Variants in LNX1 observed in about 807,000 individuals in gnomAD.
LNX1 encodes the protein E3 ubiquitin-protein ligase LNX.
In LNX1, 54 loss-of-function variants were observed where a neutral mutation model predicts 68.4. The observed-to-expected ratio is 0.79, with a 90% confidence interval of 0.63 to 0.99. LNX1 has a LOEUF of 0.99. Among genes scored for constraint, LNX1 ranks in the 50% least tolerant of loss-of-function variants. LNX1 has a pLI of 0.00. For missense variants in LNX1, 906 were observed against 926.4 expected (o/e 0.98, Z 0.29); for synonymous variants, 336 against 350.0 (o/e 0.96, Z 0.45).
chr4:53,636,695 A>C (rs1216587854), intron 1 of LNX1, among the ~76,000 whole-genome samples: 3 of 152,124 alleles, frequency 2.0e-5, no homozygotes, highest in Non-Finnish European at 4.4e-5. Flanking sequence ...ACAGCAGATA[A>C]AGCAGCCTCC....
In LNX1 at chr4:53,504,908, G is replaced by A. The variant is rs570787149; in HGVS notation, c.775+2409C>T. Among the ~76,000 whole-genome samples the A allele has an allele frequency of 3.3e-5, 5 of 152,180 alleles. No homozygotes were observed. In the East Asian group the frequency reaches 9.7e-4, roughly 29 times the overall value. On this transcript the variant is annotated intron_variant, in intron 4 of 10. Coordinates refer to ENST00000263925, the MANE Select transcript of LNX1 (RefSeq NM_001126328.3). ...ACGCTAAAACAATTACAATAGTAAC[G>A]CCAAAGATAACTGATCACATGTCAC... is the stretch of plus-strand genomic sequence containing the variant.
At chr4:53,526,512 G>A (rs1368149600) in intron 2 of LNX1, among the ~76,000 whole-genome samples, 3 of 151,962 alleles carry the variant, frequency 2.0e-5, no homozygotes, top group African/African-American at 4.8e-5. Context: ...TAAAGATAAA[G>A]TAAGAACTAA....
At chr4:53,556,641 A>T (rs1274470774) in intron 2 of LNX1, among the ~76,000 whole-genome samples, 2 of 152,226 alleles carry the variant, frequency 1.3e-5, no homozygotes, top group Non-Finnish European at 2.9e-5. Context: ...GATGCTCATG[A>T]TTCAGATTTA....
At chr4:53,602,717 T>A (rs1372986804) in intron 2 of LNX1, 2 of 152,196 alleles carry the variant, frequency 1.3e-5, no homozygotes, top group African/African-American at 4.8e-5. Flanking sequence ...TTTCAAGGAA[T>A]GAAAAACACG....
Position 53,534,111 on chromosome 4 carries a change from G to A in LNX1, c.381-25884C>T, listed in dbSNP as rs116153369. Among the ~76,000 whole-genome samples the A allele has an allele frequency of 3.9e-3, 599 of 152,286 alleles. 8 individuals carry two copies. Among genetic ancestry groups the A allele is most frequent in the African/African-American group, 0.014 (575 of 41,554 alleles). Reference sequence around the variant, plus strand: ...TTTCATAATAGGACCTATCAGAAAGGGATGGTTCTCAGGAGAAGCCTAGGG... The same window carrying A: ...TTTCATAATAGGACCTATCAGAAAGAGATGGTTCTCAGGAGAAGCCTAGGG... On this transcript the variant is annotated intron_variant, in intron 2 of 10. Coordinates refer to ENST00000263925, the MANE Select transcript of LNX1 (RefSeq NM_001126328.3).
At chr4:53,494,312 C>G (rs1284370263) in intron 6 of LNX1, among the ~76,000 whole-genome samples, 1 of 152,200 alleles carries the variant, frequency 6.6e-6, no homozygotes, top group Non-Finnish European at 1.5e-5. Flanking sequence ...GATTGTGAGG[C>G]CTCCCGAGCC....
intron 1 of LNX1, chr4:53,652,020 T>TGTGTGAGAGAGAGAGA (rs1299346353): frequency 5.6e-5 from 6 of 106,922 alleles, no homozygotes; most frequent in African/African-American, 1.2e-4. Flanking sequence ...TGTGTGTGTG[T>TGTGTGAGAGAGAGAGA]GAGAGAGAGA....
At chr4:53,493,401 C>T (rs189409748) in intron 6 of LNX1, among the ~76,000 whole-genome samples, 2 of 152,338 alleles carry the variant, frequency 1.3e-5, no homozygotes, top group Admixed American at 6.5e-5. Flanking sequence ...AGTGGCACAG[C>T]TCAAAAGCTA....
At chr4:53,464,467 TTTTAA>T (rs1017814155) in intron 9 of LNX1, among the ~76,000 whole-genome samples, 1 of 27,206 alleles carries the variant, frequency 3.7e-5, no homozygotes, top group African/African-American at 1.2e-4. Flanking sequence ...ATATAAAATG[TTTTAA>T]TATAATCAAC....
At chr4:53,471,455 C>A (rs1193639351) in intron 9 of LNX1, among the ~76,000 whole-genome samples, 4 of 152,124 alleles carry the variant, frequency 2.6e-5, no homozygotes, top group Non-Finnish European at 5.9e-5. Flanking sequence ...TCTAAAACAT[C>A]AAAAGCAATG....
chr4:53,470,530 G>A (rs570714293), intron 9 of LNX1, among the ~76,000 whole-genome samples: 1 of 152,268 alleles, frequency 6.6e-6, no homozygotes, highest in African/African-American at 2.4e-5. Context: ...CATTCAATTA[G>A]GAAAAGAGGA....
chr4:53,492,599 A>AGTAGG (rs2109456370), intron 6 of LNX1, among the ~76,000 whole-genome samples: 1 of 146,868 alleles, frequency 6.8e-6, no homozygotes, highest in African/African-American at 2.5e-5. Context: ...CTGTGCATAG[A>AGTAGG]GTAGGAGAGA....
intron 2 of LNX1, among the ~76,000 whole-genome samples, chr4:53,521,772 C>CTAT (rs1560643655): frequency 6.6e-6 from 1 of 152,036 alleles, no homozygotes; most frequent in East Asian, 1.9e-4. Context: ...TAACTGAAAG[C>CTAT]TCTTCTTCTT....
chr4:53,575,337 T>C (rs1731415599), intron 1 of LNX1, among the ~76,000 whole-genome samples: 1 of 152,180 alleles, frequency 6.6e-6, no homozygotes, highest in Admixed American at 6.5e-5. Context: ...TCCTTTAACA[T>C]AGATAGGAGT....
intron 2 of LNX1, among the ~76,000 whole-genome samples, chr4:53,607,523 A>G (rs1240138288): frequency 1.3e-5 from 2 of 152,244 alleles, no homozygotes; most frequent in South Asian, 2.1e-4. Context: ...TATTGTTAAA[A>G]TGGCCATACT....
In LNX1 at chr4:53,634,659, C is replaced by T. The variant is rs149826743; in HGVS notation, c.-215+17509G>A. ...GAATTGGCCAACCTACTTACTACCT[C>T]TCATGCAGGAAGGGTGGGCACATGA... On this transcript the variant is annotated intron_variant, in intron 1 of 2. Coordinates refer to the LNX1 transcript ENST00000507168. Among the ~76,000 whole-genome samples the T allele has an allele frequency of 2.1e-3, 325 of 152,142 alleles. 3 individuals are homozygous for T. The highest frequency in any genetic ancestry group is 1.9e-3 in the Non-Finnish European group (128 of 68,004).
intron 2 of LNX1, among the ~76,000 whole-genome samples, chr4:53,611,876 C>G (rs1199490654): frequency 1.3e-5 from 2 of 152,062 alleles, no homozygotes; most frequent in Admixed American, 6.5e-5. Context: ...GCCAAAAGCT[C>G]TGAGAGTAAA....
At chr4:53,479,687 C>A (rs1371931737) in intron 7 of LNX1, among the ~76,000 whole-genome samples, 1 of 152,204 alleles carries the variant, frequency 6.6e-6, no homozygotes, top group African/African-American at 2.4e-5. Flanking sequence ...GGACACCTTA[C>A]AATGTTCCTT....
chr4:53,568,420 GA>G (rs1730869320), intron 2 of LNX1, among the ~76,000 whole-genome samples: 2 of 152,204 alleles, frequency 1.3e-5, no homozygotes, highest in African/African-American at 4.8e-5. Context: ...AATAGATGCA[GA>G]AAAGGCCTTT....
Sources: allele counts gnomAD v4.1 joint callset (sites outside exome capture counted in the v4.1 genomes callset), GRCh38; gene constraint gnomAD v4.1.1; transcripts MANE v1.5; gene names NCBI Gene and HGNC (gene_info 2026-07-23, HGNC 2026-07-21).